Variants in SMS observed in about 807,000 individuals in gnomAD.
The protein encoded by SMS is spermidine aminopropyltransferase.
A neutral mutation model predicts 33.0 loss-of-function variants in SMS; 3 were observed. The observed-to-expected ratio is 0.09, with a 90% CI of 0.04 to 0.23. SMS has a LOEUF of 0.23. Ranked by LOEUF, SMS falls within the 10% of genes least tolerant of loss-of-function variation. The pLI, the probability that SMS is intolerant of heterozygous loss-of-function variation, is 1.00. For missense variants in SMS, 117 were observed against 288.6 expected (o/e 0.41, Z 4.31); for synonymous variants, 103 against 112.2 (o/e 0.92, Z 0.52).
intron 9 of SMS, among the ~76,000 whole-genome samples, chrX:21,986,034 G>GT (rs992371266): frequency 1.8e-5 from 2 of 110,311 alleles, no homozygotes; most frequent in Non-Finnish European, 3.8e-5. Flanking sequence ...AATAAACACA[G>GT]TATTAGTATA....
At chrX:21,954,549 CTT>C (rs987062392) in intron 1 of SMS, among the ~76,000 whole-genome samples, 4 of 111,840 alleles carry the variant, frequency 3.6e-5, no homozygotes, top group African/African-American at 1.3e-4. Flanking sequence ...TGTCCTCTGT[CTT>C]TCATCTTTAT....
chrX:21,954,035 C>T (rs899897426), intron 1 of SMS, among the ~76,000 whole-genome samples: 1 of 110,647 alleles, frequency 9.0e-6, no homozygotes, highest in East Asian at 2.8e-4. Flanking sequence ...CTCTAGTATG[C>T]AGTTTCTGTT....
At chrX:21,955,731 C>T (rs73195173) in intron 1 of SMS, among the ~76,000 whole-genome samples, 2,942 of 111,576 alleles carry the variant, frequency 0.026, 44 homozygotes, top group Non-Finnish European at 0.041. Context: ...CTTAAGCTGA[C>T]GGGGCCCACT....
In SMS at chrX:21,972,560, G is replaced by A. The variant is rs752713559; in HGVS notation, c.318G>A (p.Gly106=). The A allele has an allele frequency of 1.7e-6, 2 of 1,178,966 alleles. No homozygotes were observed. Among genetic ancestry groups the A allele is most frequent in the Non-Finnish European group, 2.3e-6 (2 of 865,717 alleles). ...AAGAATTGAGTCAGGACAGTACTGG[G>A]CGGGTGAAACGGTAAGTCCACTCTT... The part of the protein sequence containing the change: ...RMKELSQDST[G]RVKRLPPIVR... Residue 106 remains glycine, a synonymous_variant, in exon 4 of 11, where the codon GGG becomes GGA. Coordinates refer to ENST00000404933, the MANE Select transcript of SMS (RefSeq NM_004595.5).
At position 21,994,828 on chromosome X, in the gene SMS, A is replaced by G. The variant is rs771793628; in HGVS notation, c.*477A>G. 9.8e-5 allele frequency: 74 copies of G among 755,453 alleles called. No individual in the cohort carries two copies. Among genetic ancestry groups the G allele is most frequent in the Non-Finnish European group, 1.1e-4 (71 of 640,715 alleles). 62.3% of individuals were successfully genotyped at this position (755,453 alleles called of 1,213,427 possible). ...ATAGGATTGCTTCAATTAAAATTAC[A>G]AAAGAGACATTTTGTGTGTTCTGTC... On this transcript the variant is annotated 3_prime_UTR_variant, in exon 11 of 11. Coordinates refer to ENST00000404933, the MANE Select transcript of SMS (RefSeq NM_004595.5).
chrX:21,962,598 A>G (rs765723401), intron 1 of SMS, among the ~76,000 whole-genome samples: 1 of 111,797 alleles, frequency 8.9e-6, no homozygotes, highest in Admixed American at 9.5e-5. Flanking sequence ...CCACCCCCAC[A>G]TTTCTACTTA....
At chrX:21,955,285 A>G (rs142222684) in intron 1 of SMS, among the ~76,000 whole-genome samples, 2,918 of 112,320 alleles carry the variant, frequency 0.026, 100 homozygotes, top group African/African-American at 0.088. Context: ...TGGCAATCCC[A>G]TGGTTTCTAC....
chrX:21,965,787 A>T (rs1002767376), intron 1 of SMS, among the ~76,000 whole-genome samples: 18 of 109,504 alleles, frequency 1.6e-4, no homozygotes, highest in Middle Eastern at 4.7e-3. Context: ...AATAAATAAA[A>T]AAAAACAAAT....
intron 7 of SMS, among the ~76,000 whole-genome samples, chrX:21,982,201 G>A (rs919124989): frequency 1.7e-4 from 18 of 108,546 alleles, no homozygotes; most frequent in Admixed American, 6.0e-4. Flanking sequence ...AGCTGGGCGT[G>A]GTGGCGGGCA....
intron 1 of SMS, among the ~76,000 whole-genome samples, chrX:21,963,144 T>C (rs1923473915): frequency 8.9e-6 from 1 of 112,503 alleles, no homozygotes; most frequent in African/African-American, 3.2e-5. Context: ...GCTTTTGCTT[T>C]GTTTTCACTT....
intron 1 of SMS, chrX:21,941,402 C>A (rs1399310530): frequency 1.9e-5 from 4 of 207,634 alleles, no homozygotes; most frequent in Non-Finnish European, 2.6e-5. Context: ...GGTTTCCCCT[C>A]GTAGGGAGCT....
At chrX:21,944,522 C>CAAAAAAAAAAAAAAAAAA (rs777680386) in intron 1 of SMS, among the ~76,000 whole-genome samples, 40 of 34,656 alleles carry the variant, frequency 1.2e-3, no homozygotes, top group Non-Finnish European at 1.6e-3. Flanking sequence ...CCTGTCTCTA[C>CAAAAAAAAAAAAAAAAAA]AAAAAAAAAA....
rs1018970629 is a variant in SMS at position 21,961,019 on chromosome X, A to G, written c.50-6177A>G. ...TCTCAAAGCTGAAGGAGGAGCAGGA[A>G]TATTATATGCATGTCTTTTTTTTTT... is the stretch of plus-strand genomic sequence containing the variant. On this transcript the variant is annotated intron_variant, in intron 1 of 10. Coordinates refer to ENST00000404933, the MANE Select transcript of SMS (RefSeq NM_004595.5). Among the ~76,000 whole-genome samples, 33 of 104,295 alleles carry G rather than the reference A, an allele frequency of 3.2e-4. No individual in the cohort carries two copies. In the Admixed American group the frequency reaches 3.3e-3, roughly 11 times the overall value. The allele number at this position is 104,295 out of a possible 115,157, so 90.6% of individuals were successfully genotyped here. A position where few individuals can be genotyped will look rare whatever the true frequency, so the allele number is the denominator to read the frequency against.
chrX:21,957,109 G>A (rs1036340739), intron 1 of SMS, among the ~76,000 whole-genome samples: 1 of 109,359 alleles, frequency 9.1e-6, no homozygotes, highest in African/African-American at 3.3e-5. Context: ...CTGAGCCCGT[G>A]CCTGGTGGGC....
chrX:21,983,916 T>TA (rs769243374), intron 7 of SMS, among the ~76,000 whole-genome samples: 180 of 111,336 alleles, frequency 1.6e-3, no homozygotes, highest in African/African-American at 5.5e-3. Context: ...AAGAAGATGA[T>TA]ACAGATAGTG....
intron 1 of SMS, chrX:21,941,324 C>T (rs1446205959): frequency 3.0e-5 from 7 of 236,524 alleles, no homozygotes; most frequent in Non-Finnish European, 5.5e-5. Flanking sequence ...GGGCGTGCGC[C>T]GAGCGGGGCT....
chrX:21,963,403 G>A (rs1052143626), intron 1 of SMS, among the ~76,000 whole-genome samples: 1 of 112,441 alleles, frequency 8.9e-6, no homozygotes, highest in African/African-American at 3.2e-5. Flanking sequence ...TAGGGCTTGT[G>A]GGTAAATGAG....
intron 1 of SMS, among the ~76,000 whole-genome samples, chrX:21,943,723 C>T (rs1193786521): frequency 9.0e-6 from 1 of 111,188 alleles, no homozygotes; most frequent in Admixed American, 9.5e-5. Flanking sequence ...ATTCATATTG[C>T]ATTCTCTTCC....
At chrX:21,991,433 C>T (rs1014584390) in intron 9 of SMS, among the ~76,000 whole-genome samples, 1 of 112,004 alleles carries the variant, frequency 8.9e-6, no homozygotes, top group Non-Finnish European at 1.9e-5. Context: ...CCTGCCTCAG[C>T]CTCCCAAAGT....
Sources: allele counts gnomAD v4.1 joint callset (sites outside exome capture counted in the v4.1 genomes callset), GRCh38; gene constraint gnomAD v4.1.1; transcripts MANE v1.5; gene names NCBI Gene and HGNC (gene_info 2026-07-23, HGNC 2026-07-21).